The following NALCN variants were observed in gnomAD, a reference collection of about 807,000 sequenced individuals.
The protein encoded by NALCN is sodium leak channel, non-selective, also known as sodium leak channel NALCN.
A neutral mutation model predicts 225.3 loss-of-function variants in NALCN; 111 were observed. The ratio of observed to expected loss-of-function variants is 0.49; its 90% CI spans 0.42 to 0.58. The LOEUF is 0.58. Among genes scored for constraint, NALCN ranks in the 20% least tolerant of loss-of-function variants. NALCN has a pLI of 0.00. For synonymous variants in NALCN, 764 were observed against 769.0 expected, an observed-to-expected ratio of 0.99 and a Z score of 0.11; for missense variants, 1,378 against 2,202.4, an observed-to-expected ratio of 0.63 and a Z score of 7.49.
At chr13:101,271,802 T>G (rs1429993525) in intron 10 of NALCN, among the ~76,000 whole-genome samples, 4 of 151,232 alleles carry the variant, frequency 2.6e-5, no homozygotes, top group Admixed American at 6.6e-5. Context: ...TGCATGCATG[T>G]GTGTGTGTGT....
chr13:101,315,801 C>G (rs1469091047), intron 7 of NALCN, among the ~76,000 whole-genome samples: 1 of 152,026 alleles, frequency 6.6e-6, no homozygotes. Flanking sequence ...GACTCTTTTA[C>G]CCTAAGAGGG....
intron 17 of NALCN, among the ~76,000 whole-genome samples, chr13:101,134,128 C>T (rs2036649767): frequency 6.6e-6 from 1 of 152,062 alleles, no homozygotes; most frequent in African/African-American, 2.4e-5. Context: ...TGAGATCGCG[C>T]CACTGCACTC....
chr13:101,339,316 G>A (rs2045482898), intron 7 of NALCN, among the ~76,000 whole-genome samples: 1 of 152,138 alleles, frequency 6.6e-6, no homozygotes, highest in African/African-American at 2.4e-5. Flanking sequence ...TTGCGATTTT[G>A]CAAGATGTCC....
At chr13:101,105,098 A>G (rs1286765999) in intron 22 of NALCN, 148 bp from the exon 23 acceptor site, 5 of 609,906 alleles carry the variant, frequency 8.2e-6, no homozygotes, top group Non-Finnish European at 1.4e-5. Flanking sequence ...ACTGTAGGTA[A>G]CTCTGGAGGT....
chr13:101,330,538 C>T (rs540942391), intron 7 of NALCN, among the ~76,000 whole-genome samples: 28 of 152,184 alleles, frequency 1.8e-4, no homozygotes, highest in Non-Finnish European at 3.7e-4. Flanking sequence ...CAGATCCATG[C>T]GGGGCAAAAG....
At chr13:101,270,225 A>G (rs1195620670) in intron 10 of NALCN, among the ~76,000 whole-genome samples, 1 of 152,172 alleles carries the variant, frequency 6.6e-6, no homozygotes, top group Non-Finnish European at 1.5e-5. Flanking sequence ...GTTTTTCTTT[A>G]TCTTTGTCTT....
At position 101,054,869 on chromosome 13, in the gene NALCN, T is replaced by G. The variant is rs192341733; in HGVS notation, c.*426A>C. 6.4e-6 allele frequency: 1 copy of G among 156,140 alleles called. No homozygotes were observed. Among genetic ancestry groups the G allele is most frequent in the African/African-American group, 2.4e-5 (1 of 41,662 alleles). The allele number at this position is 156,140 out of a possible 1,614,324, so 9.7% of individuals were successfully genotyped here. A position where few individuals can be genotyped will look rare whatever the true frequency, so the allele number is the denominator to read the frequency against. ...TAATAAATTCTCTCAAGAGAAATAT[T>G]TCTAGTGGAAATGGGAAAGATGTGA... On this transcript the variant is annotated 3_prime_UTR_variant, in exon 44 of 44. Coordinates refer to ENST00000251127, the MANE Select transcript of NALCN (RefSeq NM_052867.4).
chr13:101,279,490 T>C (rs1377949403), intron 10 of NALCN, among the ~76,000 whole-genome samples: 1 of 152,208 alleles, frequency 6.6e-6, no homozygotes, highest in Non-Finnish European at 1.5e-5. Flanking sequence ...ATATTAATTT[T>C]TTATGAGAAC....
At chr13:101,261,106 T>G (rs1213069532) in intron 10 of NALCN, among the ~76,000 whole-genome samples, 3 of 152,162 alleles carry the variant, frequency 2.0e-5, no homozygotes, top group Non-Finnish European at 4.4e-5. Flanking sequence ...CCAGGACCAT[T>G]TATTGAAGGA....
intron 39 of NALCN, among the ~76,000 whole-genome samples, chr13:101,067,213 G>C (rs561247002): frequency 6.8e-6 from 1 of 146,084 alleles, no homozygotes; most frequent in Non-Finnish European, 1.5e-5. Flanking sequence ...GGAGAAGGTA[G>C]AGGAAGGGGT....
chr13:101,223,788 C>A (rs975648205), intron 13 of NALCN, among the ~76,000 whole-genome samples: 1 of 152,092 alleles, frequency 6.6e-6, no homozygotes, highest in African/African-American at 2.4e-5. Flanking sequence ...TATGGGAGAC[C>A]ACTTGCCCCT....
chr13:101,326,051 T>C (rs7338093), intron 7 of NALCN, among the ~76,000 whole-genome samples: 9,733 of 152,282 alleles, frequency 0.064, 549 homozygotes, highest in East Asian at 0.26. Context: ...TTTCCTTTTT[T>C]ACAAAAACTA....
chr13:101,091,663 A>G (rs748972408), intron 28 of NALCN, among the ~76,000 whole-genome samples: 9 of 152,220 alleles, frequency 5.9e-5, no homozygotes, highest in Non-Finnish European at 7.3e-5. Context: ...TATATTTTAC[A>G]GTAGACAGAA....
At position 101,085,253 on chromosome 13, in the gene NALCN, G is replaced by C. The variant is rs572094547; in HGVS notation, c.3490-1449C>G. Among the ~76,000 whole-genome samples the C allele has an allele frequency of 3.9e-5, 6 of 152,066 alleles. No individual in the cohort carries two copies. In the South Asian group the frequency reaches 1.2e-3, roughly 32 times the overall value. ...GGCTTGTATTTTTATTTTGCTTAGA[G>C]TGTCTTTTGTCATTCAGAACATTTT... On this transcript the variant is annotated intron_variant, in intron 30 of 43. Transcript: ENST00000251127.
chr13:101,157,231 T>TAC (rs1350594103), intron 15 of NALCN, among the ~76,000 whole-genome samples: 3 of 152,288 alleles, frequency 2.0e-5, no homozygotes, highest in South Asian at 4.1e-4. Context: ...CTTGAGTTAG[T>TAC]ACACATACAT....
At chr13:101,227,275 A>C (rs995272227) in intron 13 of NALCN, among the ~76,000 whole-genome samples, 1 of 152,096 alleles carries the variant, frequency 6.6e-6, no homozygotes, top group African/African-American at 2.4e-5. Flanking sequence ...ACCCATCTGC[A>C]ACCTCACTAG....
At chr13:101,055,828 A>AT (rs777654386) in intron 43 of NALCN, among the ~76,000 whole-genome samples, 8 of 152,156 alleles carry the variant, frequency 5.3e-5, no homozygotes, top group Non-Finnish European at 1.0e-4. Flanking sequence ...AGCATATGCA[A>AT]TAAAAAAAAC....
At chr13:101,308,428 G>C (rs2044225775) in intron 7 of NALCN, among the ~76,000 whole-genome samples, 1 of 152,180 alleles carries the variant, frequency 6.6e-6, no homozygotes, top group African/African-American at 2.4e-5. Context: ...GACTTGGAGA[G>C]TAAGTGTTGA....
At chr13:101,219,920 AT>A (rs1220629316) in intron 13 of NALCN, among the ~76,000 whole-genome samples, 1 of 152,154 alleles carries the variant, frequency 6.6e-6, no homozygotes, top group Non-Finnish European at 1.5e-5. Context: ...GCTCTTAGTT[AT>A]CATGCCTGTT....
Sources: allele counts gnomAD v4.1 joint callset (sites outside exome capture counted in the v4.1 genomes callset), GRCh38; gene constraint gnomAD v4.1.1; transcripts MANE v1.5; gene names NCBI Gene and HGNC (gene_info 2026-07-23, HGNC 2026-07-21).